PHF24: variants seen among roughly 807,000 people sequenced by gnomAD.
PHF24 encodes PHD finger protein 24, also known as Galpha inhibitory interacting protein.
In PHF24, 25 loss-of-function variants were observed where a neutral mutation model predicts 42.6. The observed-to-expected ratio is 0.59, with a 90% CI of 0.43 to 0.82. PHF24 has a LOEUF of 0.82. Ranked by LOEUF, PHF24 falls within the 40% of genes least tolerant of loss-of-function variation. The pLI is 0.00. For synonymous variants in PHF24, 185 were observed against 204.8 expected (o/e 0.90, Z 0.83); for missense variants, 470 against 538.1 (o/e 0.87, Z 1.25).
the PHF24 span, among the ~76,000 whole-genome samples, chr9:34,880,962 GCA>G: frequency 1.6e-4 from 24 of 152,196 alleles, no homozygotes; most frequent in Admixed American, 6.5e-4. Context: ...TGGAAGTAAA[GCA>G]CACTCCTCAG....
chr9:34,781,975 C>T, the PHF24 span, among the ~76,000 whole-genome samples: 1 of 152,174 alleles, frequency 6.6e-6, no homozygotes, highest in Non-Finnish European at 1.5e-5. Flanking sequence ...AGAAGAACCT[C>T]CTGAAATCAT....
chr9:34,740,217 G>T, the PHF24 span, among the ~76,000 whole-genome samples: 4 of 152,240 alleles, frequency 2.6e-5, no homozygotes, highest in African/African-American at 9.6e-5. Context: ...CTGTCTGCCA[G>T]TCCCCGGCCG....
chr9:34,977,853 G>T (rs1256654818), intron 7 of PHF24, among the ~76,000 whole-genome samples, 162 bp from the exon 8 acceptor site: 1 of 152,148 alleles, frequency 6.6e-6, no homozygotes, highest in Non-Finnish European at 1.5e-5. Context: ...GGTCAGGCAT[G>T]AGCCAAGCTT....
the PHF24 span, chr9:34,835,545 G>C: frequency 6.4e-7 from 1 of 1,551,812 alleles, no homozygotes; most frequent in Non-Finnish European, 8.7e-7. Context: ...AAATTCAAGT[G>C]ATGCTGGCCT....
the PHF24 span, among the ~76,000 whole-genome samples, chr9:34,757,601 G>T: frequency 1.3e-5 from 2 of 152,116 alleles, no homozygotes; most frequent in Non-Finnish European, 2.9e-5. Context: ...ATAGGGAAAG[G>T]CTTATTCATA....
the PHF24 span, among the ~76,000 whole-genome samples, chr9:34,761,493 T>C: frequency 1.3e-5 from 2 of 151,988 alleles, no homozygotes; most frequent in East Asian, 3.9e-4. Flanking sequence ...TGTCAGGGAG[T>C]GATAAATGCT....
chr9:34,767,364 G>A, the PHF24 span, among the ~76,000 whole-genome samples: 1 of 152,236 alleles, frequency 6.6e-6, no homozygotes, highest in Non-Finnish European at 1.5e-5. Flanking sequence ...CACCCAGTTC[G>A]AGCTTCCAGG....
At chr9:34,775,665 A>T in the PHF24 span, among the ~76,000 whole-genome samples, 55 of 152,340 alleles carry the variant, frequency 3.6e-4, no homozygotes, top group Admixed American at 2.9e-3. Flanking sequence ...AATCTATTTT[A>T]AAAAAATTAA....
the PHF24 span, chr9:34,832,659 A>T: frequency 1.3e-6 from 2 of 1,540,036 alleles, no homozygotes; most frequent in Non-Finnish European, 1.8e-6. Flanking sequence ...AAAACATTTA[A>T]TTTTATTTCT....
chr9:34,894,417 A>G, the PHF24 span: 2 of 398,468 alleles, frequency 5.0e-6, no homozygotes, highest in Non-Finnish European at 8.8e-6. Context: ...AGCAGCTGGG[A>G]GACTGCAAAG....
the PHF24 span, among the ~76,000 whole-genome samples, chr9:34,804,812 A>C: frequency 2.0e-5 from 3 of 152,232 alleles, no homozygotes; most frequent in Non-Finnish European, 2.9e-5. Flanking sequence ...CCATCATTAC[A>C]GTTTTAGAAC....
the PHF24 span, among the ~76,000 whole-genome samples, chr9:34,875,683 A>T: frequency 1.3e-5 from 2 of 152,082 alleles, no homozygotes; most frequent in South Asian, 4.1e-4. Context: ...TTGACAATTT[A>T]ATTGGTCATG....
the PHF24 span, among the ~76,000 whole-genome samples, chr9:34,703,583 T>A: frequency 6.6e-6 from 1 of 152,008 alleles, no homozygotes; most frequent in Non-Finnish European, 1.5e-5. Flanking sequence ...CCAGCCAAAG[T>A]GTGGCCCAAG....
At chr9:34,918,200 CT>C in the PHF24 span, 9 of 1,463,606 alleles carry the variant, frequency 6.1e-6, no homozygotes, top group Middle Eastern at 1.7e-4. Context: ...ACCATCACCC[CT>C]CTGCCAACTG....
chr9:34,890,433 C>A, the PHF24 span, among the ~76,000 whole-genome samples: 1 of 152,318 alleles, frequency 6.6e-6, no homozygotes, highest in Admixed American at 6.5e-5. Flanking sequence ...TCCAGCTGAA[C>A]ACAAAGTACC....
At chr9:34,770,984 A>C in the PHF24 span, among the ~76,000 whole-genome samples, 1 of 152,076 alleles carries the variant, frequency 6.6e-6, no homozygotes, top group Non-Finnish European at 1.5e-5. Context: ...ATTGTGGCGC[A>C]TGACTGTAAT....
At chr9:34,830,062 A>G in the PHF24 span, among the ~76,000 whole-genome samples, 3 of 152,200 alleles carry the variant, frequency 2.0e-5, no homozygotes, top group Non-Finnish European at 4.4e-5. Context: ...GGTTTGGGGT[A>G]TGTATGTACA....
chr9:34,958,225 C>CGCG (rs1429514467), upstream of PHF24: 8 of 127,274 alleles, frequency 6.3e-5, no homozygotes, highest in African/African-American at 1.9e-4. The surrounding 1 kb of genome is among the most constrained non-coding windows in gnomAD (Gnocchi z 4.5). Context: ...TCCGGCCGCG[C>CGCG]GCGCCGCCGC....
At chr9:34,832,925 G>T in the PHF24 span, 1 of 1,551,692 alleles carries the variant, frequency 6.4e-7, no homozygotes, top group Middle Eastern at 1.7e-4. Flanking sequence ...AGGGACTCGT[G>T]GAGGTAGCTG....
Sources: gnomAD v4.1 joint callset for allele counts (sites outside exome capture counted in the v4.1 genomes callset) on GRCh38, gnomAD v4.1.1 for gene constraint, Gnocchi (gnomAD v3.1) non-coding constraint, MANE v1.5 for transcripts, NCBI Gene and HGNC (gene_info 2026-07-23, HGNC 2026-07-21) for gene names.